TRIO: variants seen among roughly 807,000 people sequenced by gnomAD.
TRIO encodes the protein trio Rho guanine nucleotide exchange factor, also known as triple functional domain protein.
A neutral mutation model predicts 351.9 loss-of-function variants in TRIO; 58 were observed. The ratio of observed to expected loss-of-function variants is 0.16; its 90% CI spans 0.13 to 0.21. The LOEUF (loss-of-function observed/expected upper bound fraction) is 0.21, where lower values mean the gene tolerates loss of function less well. Ranked by LOEUF, TRIO falls within the 10% of genes least tolerant of loss-of-function variation. TRIO has a pLI of 1.00. For missense variants in TRIO, 3,201 were observed against 4,027.8 expected, an observed-to-expected ratio of 0.79 and a Z score of 5.56; for synonymous variants, 1,758 against 1,595.7, an observed-to-expected ratio of 1.10 and a Z score of -2.42.
In TRIO at chr5:14,487,755, T is replaced by C. The variant is rs1168379940; in HGVS notation, c.7127T>C (p.Leu2376Pro). 7.2e-7 allele frequency: 1 copy of C among 1,385,486 alleles called. No homozygotes were observed. Among genetic ancestry groups the C allele is most frequent in the African/African-American group, 1.5e-5 (1 of 64,696 alleles). The allele number at this position is 1,385,486 out of a possible 1,614,324, so 85.8% of individuals were successfully genotyped here. ...MSGTSTPGPS[L>P]PPPGAAPEAG... ...GGTACGTCCACCCCCGGGCCCTCCC[T>C]GCCTCCCCCTGGCGCGGCCCCCGAG... Residue 2376 changes from leucine to proline, a missense_variant, in exon 48 of 57, where the codon CTG becomes CCG. This residue lies in a region of TRIO where 1,089 missense variants were observed against 954.9 expected (regional missense o/e 1.14). Transcript: ENST00000344204.
At chr5:14,329,730 A>G (rs572043026) in intron 9 of TRIO, among the ~76,000 whole-genome samples, 3 of 152,340 alleles carry the variant, frequency 2.0e-5, no homozygotes, top group South Asian at 2.1e-4. Flanking sequence ...GTTTTTAGCT[A>G]AAGACATCAC....
Position 14,251,969 on chromosome 5 carries a change from T to TAA in TRIO, c.158-18841_158-18840dup, listed in dbSNP as rs1554041668. On this transcript the variant is annotated intron_variant, in intron 1 of 56. Transcript: ENST00000344204. ...CCAGATGGTTTTGAAAGAGGCAACT[T>TAA]AAAAAAAAAAAAAAAAGCCCTTCCC... 7.3e-3 allele frequency among the ~76,000 whole-genome samples: 1,003 copies of TAA among 137,552 alleles called. 8 individuals are homozygous for TAA. The highest frequency in any genetic ancestry group is 0.011 in the Non-Finnish European group (696 of 64,246). 90.2% of individuals were successfully genotyped at this position (137,552 alleles called of 152,430 possible). A position where few individuals can be genotyped will look rare whatever the true frequency, so the allele number is the denominator to read the frequency against.
chr5:14,393,163 A>G (rs534203389), intron 27 of TRIO, among the ~76,000 whole-genome samples: 1 of 150,346 alleles, frequency 6.7e-6, no homozygotes, highest in South Asian at 2.1e-4. Context: ...CAAACACCAC[A>G]TGTTCTTACT....
Position 14,488,272 on chromosome 5 carries a change from G to A in TRIO, c.7632+12G>A. On this transcript the variant is annotated intron_variant, in intron 48 of 56. Coordinates refer to ENST00000344204, the MANE Select transcript of TRIO (RefSeq NM_007118.4). ...CCCAGAGCAACGGGGTAAGCGCGTC[G>A]GGGGGCCCGCGCCCTCCCGCCCCCC... 2 of 1,545,212 alleles carry A rather than the reference G, an allele frequency of 1.3e-6. No individual in the cohort carries two copies. Among genetic ancestry groups the A allele is most frequent in the Non-Finnish European group, 1.7e-6 (2 of 1,150,828 alleles).
chr5:14,147,284 G>A (rs563571080), intron 1 of TRIO, among the ~76,000 whole-genome samples: 1 of 152,268 alleles, frequency 6.6e-6, no homozygotes, highest in South Asian at 2.1e-4. Flanking sequence ...TAGAGTCAGG[G>A]CCCTGGTCCC....
At position 14,427,676 on chromosome 5, in the gene TRIO, G is replaced by C. The variant is rs535885049; in HGVS notation, c.5203+7655G>C. On this transcript the variant is annotated intron_variant, in intron 34 of 56. Coordinates refer to ENST00000344204, the MANE Select transcript of TRIO (RefSeq NM_007118.4). ...GGCCTTGTCCTGGATTCTCACCGGG[G>C]CAGTCACGTCAGGATGGAGAGGTCC... 3.9e-5 allele frequency among the ~76,000 whole-genome samples: 6 copies of C among 152,254 alleles called. No homozygotes were observed. The South Asian group carries it at 1.2e-3, about 32-fold the overall frequency.
At chr5:14,427,525 C>T (rs981085808) in intron 34 of TRIO, among the ~76,000 whole-genome samples, 3 of 152,286 alleles carry the variant, frequency 2.0e-5, no homozygotes, top group South Asian at 2.1e-4. Context: ...TTACCAGAAA[C>T]GACCTCACCC....
chr5:14,468,956 A>G (rs1485595416), intron 37 of TRIO, among the ~76,000 whole-genome samples: 2 of 152,194 alleles, frequency 1.3e-5, no homozygotes, highest in African/African-American at 2.4e-5. Flanking sequence ...CACGTTCTTG[A>G]TGCAGCTGGT....
chr5:14,196,361 T>A (rs1447420407), intron 1 of TRIO, among the ~76,000 whole-genome samples: 1 of 141,410 alleles, frequency 7.1e-6, no homozygotes, highest in Non-Finnish European at 1.5e-5. Flanking sequence ...AGGTGGAGAT[T>A]GCAGTGAGCT....
At chr5:14,405,711 G>A (rs1393590035) in intron 31 of TRIO, 137 bp from the exon 32 acceptor site, 11 of 996,146 alleles carry the variant, frequency 1.1e-5, no homozygotes, top group African/African-American at 1.6e-5. Flanking sequence ...CATATTAAAC[G>A]TCGGATGTGG....
At chr5:14,499,725 T>TA (rs1288116360) in intron 53 of TRIO, among the ~76,000 whole-genome samples, 2 of 152,044 alleles carry the variant, frequency 1.3e-5, no homozygotes, top group East Asian at 1.9e-4. Context: ...TTTTTTTTTT[T>TA]AATCACTGGC....
chr5:14,498,430 C>G (rs182187746), intron 52 of TRIO, 89 bp from the exon 53 acceptor site: 2 of 1,537,120 alleles, frequency 1.3e-6, no homozygotes, highest in African/African-American at 2.7e-5. Context: ...TGAGCTCCTG[C>G]CTTCCCTTGA....
In TRIO at chr5:14,287,453, A is replaced by G. The variant is rs187197406; in HGVS notation, c.540+390A>G. The stretch of plus-strand genomic sequence containing the variant: ...GGAGATGAGGGAATGTTAGGGAGAA[A>G]TGCCCAACTTCAGAGTCCCTAAGTT... On this transcript the variant is annotated intron_variant, in intron 4 of 56. Transcript: ENST00000344204. Among the ~76,000 whole-genome samples the G allele has an allele frequency of 9.7e-4, 148 of 152,362 alleles. 1 individual carries two copies. Among genetic ancestry groups the G allele is most frequent in the African/African-American group, 3.4e-3 (141 of 41,590 alleles).
chr5:14,182,269 C>T (rs1017364180), intron 1 of TRIO, among the ~76,000 whole-genome samples: 4 of 152,178 alleles, frequency 2.6e-5, no homozygotes, highest in Non-Finnish European at 4.4e-5. Context: ...TGCACGTCCT[C>T]CTATTTGGTA....
chr5:14,234,853 T>C (rs1305169321), intron 1 of TRIO, among the ~76,000 whole-genome samples: 2 of 152,256 alleles, frequency 1.3e-5, no homozygotes, highest in African/African-American at 4.8e-5. Context: ...AAAATTTTCA[T>C]CTAATCTACA....
At chr5:14,490,501 T>C (rs1756405323) in intron 48 of TRIO, among the ~76,000 whole-genome samples, 1 of 152,234 alleles carries the variant, frequency 6.6e-6, no homozygotes, top group Non-Finnish European at 1.5e-5. Flanking sequence ...GCTGCACCAG[T>C]CCTTCCTGCA....
chr5:14,151,406 G>A (rs995507499), intron 1 of TRIO, among the ~76,000 whole-genome samples: 4 of 151,074 alleles, frequency 2.6e-5, no homozygotes, highest in African/African-American at 7.3e-5. Flanking sequence ...GTGTGTGTGT[G>A]TGTATGTATG....
chr5:14,151,745 T>G (rs1787851551), intron 1 of TRIO, among the ~76,000 whole-genome samples: 1 of 152,242 alleles, frequency 6.6e-6, no homozygotes, highest in Non-Finnish European at 1.5e-5. Flanking sequence ...CTTTTTCAAG[T>G]TCACAATGAT....
intron 11 of TRIO, among the ~76,000 whole-genome samples, chr5:14,338,571 G>C (rs1455263397): frequency 6.6e-6 from 1 of 152,260 alleles, no homozygotes; most frequent in Non-Finnish European, 1.5e-5. Flanking sequence ...AAGGTGATCT[G>C]TGTATGAAAA....
Sources: allele counts gnomAD v4.1 joint callset (sites outside exome capture counted in the v4.1 genomes callset), GRCh38; gene constraint gnomAD v4.1.1; regional missense constraint gnomAD v4.1.1; transcripts MANE v1.5; gene names NCBI Gene and HGNC (gene_info 2026-07-23, HGNC 2026-07-21).